The following SPATA3 variants were observed in gnomAD, a reference collection of about 807,000 sequenced individuals.
SPATA3 encodes spermatogenesis-associated protein 3.
Under a neutral mutation model 5.7 loss-of-function variants are expected in SPATA3, and 6 were observed. The observed-to-expected ratio is 1.06, with a 90% confidence interval of 0.58 to 2.09. The LOEUF is 2.09. Ranked by LOEUF, SPATA3 falls within the 30% of genes most tolerant of loss-of-function variation. The probability of loss-of-function intolerance (pLI) is 0.00; values close to 1 mark genes in which losing one functional copy is unlikely to be tolerated. For synonymous variants in SPATA3, 44 were observed against 48.4 expected (o/e 0.91, Z 0.37); for missense variants, 155 against 130.4 (o/e 1.19, Z -0.92).
At chr2:231,004,680 T>A (rs1441737743), downstream of SPATA3, among the ~76,000 whole-genome samples, 1 of 152,146 alleles carries the variant, frequency 6.6e-6, no homozygotes, top group Non-Finnish European at 1.5e-5. Context: ...ACCTACTGGT[T>A]GTGAGCTGGA....
At chr2:231,009,351 T>A (rs1048074120), downstream of SPATA3, among the ~76,000 whole-genome samples, 1 of 152,200 alleles carries the variant, frequency 6.6e-6, no homozygotes, top group African/African-American at 2.4e-5. Context: ...AGCGGCAGAC[T>A]TGCAGCAGAT....
downstream of SPATA3, among the ~76,000 whole-genome samples, chr2:231,011,482 C>G (rs1244270177): frequency 1.3e-5 from 2 of 152,164 alleles, no homozygotes; most frequent in Non-Finnish European, 2.9e-5. Flanking sequence ...AAGCCCCATC[C>G]TCCTGCAGCT....
chr2:231,002,343 T>C (rs1692384310), intron 2 of SPATA3, among the ~76,000 whole-genome samples: 1 of 152,160 alleles, frequency 6.6e-6, no homozygotes, highest in African/African-American at 2.4e-5. Flanking sequence ...ACTTACCTCA[T>C]AGGGTTGTTG....
rs560691381 is a variant in SPATA3 at position 231,012,379 on chromosome 2, G to A, written c.*119-211G>A. Reference sequence around the variant, plus strand: ...CAGCTCCAGAAGAAGCTCACCTTTCGAGAATGAGTTCTCCTTTAAACCTTT... The same window carrying A: ...CAGCTCCAGAAGAAGCTCACCTTTCAAGAATGAGTTCTCCTTTAAACCTTT... On this transcript the variant is annotated intron_variant, in intron 4 of 8. Coordinates refer to the SPATA3 transcript ENST00000452881. Among the ~76,000 whole-genome samples the A allele has an allele frequency of 5.6e-4, 85 of 152,262 alleles. 1 individual carries two copies. Among genetic ancestry groups the A allele is most frequent in the African/African-American group, 1.7e-3 (72 of 41,544 alleles).
At chr2:231,005,442 C>CAT (rs1692569202), downstream of SPATA3, among the ~76,000 whole-genome samples, 1 of 57,576 alleles carries the variant, frequency 1.7e-5, no homozygotes, top group Non-Finnish European at 3.7e-5. Context: ...ACCACAATCA[C>CAT]CACCATCACC....
chr2:231,000,504 G>A, exon 2 of SPATA3: 1 of 1,546,878 alleles, frequency 6.5e-7, no homozygotes, highest in South Asian at 1.2e-5. Context: ...ATGGCGCCAG[G>A]GAGAGGACTC....
intron 6 of SPATA3, among the ~76,000 whole-genome samples, chr2:231,019,123 C>T (rs1205832236): frequency 7.5e-5 from 9 of 119,884 alleles, no homozygotes; most frequent in South Asian, 5.4e-4. Context: ...CCCGCCACAA[C>T]GCTTGGCTAA....
chr2:231,007,695 G>A (rs1692677807), downstream of SPATA3, among the ~76,000 whole-genome samples: 2 of 152,324 alleles, frequency 1.3e-5, no homozygotes, highest in Admixed American at 6.5e-5. Flanking sequence ...ACCTGTGATG[G>A]GGAGCAGCCT....
chr2:231,017,927 C>CTT (rs200333917), intron 6 of SPATA3, among the ~76,000 whole-genome samples: 1 of 134,446 alleles, frequency 7.4e-6, no homozygotes, highest in Non-Finnish European at 1.6e-5. Flanking sequence ...GATAGAGAAA[C>CTT]TTTTTTTTTT....
At chr2:231,016,334 T>G (rs745904) in intron 6 of SPATA3, among the ~76,000 whole-genome samples, 68,472 of 151,656 alleles carry the variant, frequency 0.45, 16,961 homozygotes, top group African/African-American at 0.64. Flanking sequence ...AAAGCACGGG[T>G]CATTTCTGTC....
intron 6 of SPATA3, among the ~76,000 whole-genome samples, chr2:231,017,869 G>A (rs1367932534): frequency 1.3e-5 from 2 of 152,052 alleles, no homozygotes; most frequent in Non-Finnish European, 2.9e-5. Flanking sequence ...GCCTTATCCA[G>A]ATCTCTCAGG....
At chr2:231,009,601 T>C (rs917412779), downstream of SPATA3, among the ~76,000 whole-genome samples, 6 of 152,170 alleles carry the variant, frequency 3.9e-5, no homozygotes, top group African/African-American at 7.2e-5. Context: ...TGGCCTTGCA[T>C]TGTGGCTCAC....
At chr2:231,019,364 C>G (rs1432966761) in intron 6 of SPATA3, among the ~76,000 whole-genome samples, 1 of 150,096 alleles carries the variant, frequency 6.7e-6, no homozygotes, top group Non-Finnish European at 1.5e-5. Context: ...TGCACTGTTG[C>G]CCAGGCTGGA....
intron 6 of SPATA3, among the ~76,000 whole-genome samples, chr2:231,015,965 C>A (rs1303745177): frequency 2.0e-5 from 3 of 152,258 alleles, no homozygotes; most frequent in Non-Finnish European, 4.4e-5. Context: ...GGAAGCAGAA[C>A]TTCCAGCTGT....
downstream of SPATA3, among the ~76,000 whole-genome samples, chr2:231,005,331 TCAC>T (rs1692550959): frequency 2.8e-5 from 1 of 36,300 alleles, no homozygotes. Flanking sequence ...ATCACCATCA[TCAC>T]CATCACCATC....
intron 1 of SPATA3, 34 bp from the exon 2 acceptor site, chr2:231,000,332 T>C (rs3817173): frequency 0.41 from 589,900 of 1,424,264 alleles, 123,361 homozygotes; most frequent in South Asian, 0.5. Context: ...CCAGGGCAGG[T>C]GCCTCCCTCA....
intron 6 of SPATA3, among the ~76,000 whole-genome samples, chr2:231,019,175 T>C (rs184677222): frequency 0.011 from 1,641 of 151,394 alleles, 39 homozygotes; most frequent in African/African-American, 0.036. Flanking sequence ...TTCACCATGT[T>C]AGCCAGGATG....
chr2:231,018,421 G>A lies in SPATA3; in HGVS notation c.*566-1299G>A, dbSNP rs78712408. 8.2e-3 allele frequency among the ~76,000 whole-genome samples: 1,238 copies of A among 151,200 alleles called. 20 individuals carry two copies. The highest frequency in any genetic ancestry group is 0.028 in the African/African-American group (1,152 of 41,100). ...CCCATAACCTATTGCCACCTCCCCC[G>A]AGATGCTCCAAGTCTCTCTTCCTTT... is the stretch of plus-strand genomic sequence containing the variant. On this transcript the variant is annotated intron_variant, in intron 6 of 8. Transcript: ENST00000452881.
chr2:231,009,615 GC>G (rs1692731556), downstream of SPATA3, among the ~76,000 whole-genome samples: 1 of 152,216 alleles, frequency 6.6e-6, no homozygotes, highest in South Asian at 2.1e-4. Context: ...GGCTCACGTT[GC>G]CTGTCGTGGG....
Sources: gnomAD v4.1 joint callset for allele counts (sites outside exome capture counted in the v4.1 genomes callset) on GRCh38, gnomAD v4.1.1 for gene constraint, MANE v1.5 for transcripts, NCBI Gene and HGNC (gene_info 2026-07-23, HGNC 2026-07-21) for gene names.